MAGI1: variants seen among roughly 807,000 people sequenced by gnomAD.
MAGI1 encodes membrane-associated guanylate kinase, WW and PDZ domain-containing protein 1.
In MAGI1, 58 loss-of-function variants were observed where a neutral mutation model predicts 139.9. The observed-to-expected ratio is 0.41, with a 90% CI of 0.34 to 0.52. MAGI1 has a LOEUF of 0.52. Among genes scored for constraint, MAGI1 ranks in the 20% least tolerant of loss-of-function variants. The pLI is 0.12. For missense variants in MAGI1, 1,874 were observed against 1,901.6 expected (o/e 0.99, Z 0.27); for synonymous variants, 812 against 737.9 (o/e 1.10, Z -1.63).
At chr3:65,658,294 C>T (rs769244098) in intron 1 of MAGI1, among the ~76,000 whole-genome samples, 5 of 152,166 alleles carry the variant, frequency 3.3e-5, no homozygotes, top group East Asian at 3.9e-4. Flanking sequence ...TTAATAAGGA[C>T]GCGATGGACC....
At chr3:65,419,070 G>T (rs2107260681) in intron 12 of MAGI1, among the ~76,000 whole-genome samples, 1 of 152,216 alleles carries the variant, frequency 6.6e-6, no homozygotes, top group East Asian at 1.9e-4. Flanking sequence ...ATGTGCCTCA[G>T]GGTTCTGTCT....
intron 1 of MAGI1, among the ~76,000 whole-genome samples, chr3:65,991,149 C>T (rs957301409): frequency 1.3e-5 from 2 of 151,724 alleles, no homozygotes; most frequent in Admixed American, 1.3e-4. Context: ...ATCAGCCAGG[C>T]GTGGTAGCAT....
chr3:65,841,633 C>T (rs56407873), intron 1 of MAGI1, among the ~76,000 whole-genome samples: 71,055 of 151,566 alleles, frequency 0.47, 17,963 homozygotes, highest in East Asian at 0.76. Context: ...TCACCATGTT[C>T]GCTAGGCTGA....
At chr3:65,605,620 A>G (rs2082702798) in intron 2 of MAGI1, among the ~76,000 whole-genome samples, 1 of 152,136 alleles carries the variant, frequency 6.6e-6, no homozygotes, top group Non-Finnish European at 1.5e-5. Flanking sequence ...TGTCTGACCT[A>G]CTTTTAAAGC....
chr3:65,709,299 A>G (rs146435928), intron 1 of MAGI1, among the ~76,000 whole-genome samples: 152 of 152,250 alleles, frequency 1.0e-3, no homozygotes, highest in African/African-American at 3.6e-3. Flanking sequence ...AGAAATGAAA[A>G]CCTGCTATCT....
At chr3:65,603,946 C>T (rs889698351) in intron 2 of MAGI1, among the ~76,000 whole-genome samples, 2 of 152,182 alleles carry the variant, frequency 1.3e-5, no homozygotes, top group African/African-American at 4.8e-5. Context: ...ATGAAGGTTC[C>T]ACCCTCATGA....
intron 1 of MAGI1, among the ~76,000 whole-genome samples, chr3:65,979,095 C>CG (rs1553742297): frequency 6.9e-5 from 4 of 57,750 alleles, no homozygotes; most frequent in Non-Finnish European, 1.6e-4. Context: ...TCTTCCCCCC[C>CG]CCCGCCACCC....
At chr3:65,617,688 ACT>A (rs2083448406) in intron 2 of MAGI1, among the ~76,000 whole-genome samples, 1 of 151,986 alleles carries the variant, frequency 6.6e-6, no homozygotes. Context: ...GGGGCTCAAG[ACT>A]CTGACCTTCC....
intron 1 of MAGI1, among the ~76,000 whole-genome samples, chr3:65,764,594 T>C (rs2037318559): frequency 6.6e-6 from 1 of 152,222 alleles, no homozygotes; most frequent in South Asian, 2.1e-4. Context: ...TGAGGCCTTT[T>C]GGAAAGATCA....
At chr3:65,605,954 C>T (rs1186022413) in intron 2 of MAGI1, among the ~76,000 whole-genome samples, 1 of 152,174 alleles carries the variant, frequency 6.6e-6, no homozygotes, top group Non-Finnish European at 1.5e-5. Flanking sequence ...TCCCTTCCCT[C>T]CTCCTTTGCA....
chr3:65,480,636 A>T (rs992917990), intron 3 of MAGI1, among the ~76,000 whole-genome samples: 1 of 139,758 alleles, frequency 7.2e-6, no homozygotes, highest in Admixed American at 7.6e-5. Context: ...CCCAGGCTGG[A>T]GTGCAATGGC....
chr3:65,829,838 GT>G (rs1158483006), intron 1 of MAGI1, among the ~76,000 whole-genome samples: 4 of 152,114 alleles, frequency 2.6e-5, no homozygotes, highest in South Asian at 2.1e-4. Flanking sequence ...GGAATCTCAA[GT>G]TTTTTTCCAG....
chr3:65,491,941 C>A (rs182483710), intron 3 of MAGI1, among the ~76,000 whole-genome samples: 2 of 152,242 alleles, frequency 1.3e-5, no homozygotes, highest in African/African-American at 2.4e-5. Flanking sequence ...TGCTCCTTCC[C>A]GTCTTCTCCA....
intron 1 of MAGI1, among the ~76,000 whole-genome samples, chr3:65,653,489 G>A (rs2085701053): frequency 1.3e-5 from 2 of 152,120 alleles, no homozygotes; most frequent in South Asian, 4.1e-4. Context: ...TTAATATAAG[G>A]TGTCATGGAT....
chr3:65,969,957 C>T (rs1053529149), intron 1 of MAGI1, among the ~76,000 whole-genome samples: 1 of 152,086 alleles, frequency 6.6e-6, no homozygotes, highest in Admixed American at 6.6e-5. Context: ...TTAATAAGTA[C>T]TTGCTGAATA....
At chr3:65,511,216 A>T (rs1339922492) in intron 2 of MAGI1, among the ~76,000 whole-genome samples, 1 of 150,742 alleles carries the variant, frequency 6.6e-6, no homozygotes, top group East Asian at 2.0e-4. Context: ...AAATGTAAAG[A>T]CCATCAAGAC....
chr3:65,437,532 TACA>T (rs1947939108), intron 9 of MAGI1, among the ~76,000 whole-genome samples: 1 of 151,890 alleles, frequency 6.6e-6, no homozygotes, highest in African/African-American at 2.4e-5. Context: ...AGGAAAGACA[TACA>T]GTCAACTAAT....
chr3:65,870,721 A>G (rs1249174229), intron 1 of MAGI1, among the ~76,000 whole-genome samples: 1 of 151,684 alleles, frequency 6.6e-6, no homozygotes, highest in Non-Finnish European at 1.5e-5. Flanking sequence ...TTAGTGAAAA[A>G]AAAAAAAAAG....
rs3077818 is a variant in MAGI1 at position 65,819,875 on chromosome 3, C to CAAAAAAAAAAA, written c.314-197798_314-197788dup. Among the ~76,000 whole-genome samples the CAAAAAAAAAAA allele has an allele frequency of 2.3e-3, 77 of 33,468 alleles. 4 individuals carry two copies. Among genetic ancestry groups the CAAAAAAAAAAA allele is most frequent in the Middle Eastern group, 0.019 (1 of 54 alleles). The allele number at this position is 33,468 out of a possible 152,430, so 22.0% of individuals were successfully genotyped here. On this transcript the variant is annotated intron_variant, in intron 1 of 22. Coordinates refer to ENST00000402939, the MANE Select transcript of MAGI1 (RefSeq NM_001033057.2). ...CTAGCCACAGAGCAAGACTCCATCTCAAAAAAAAAAAAAAAAAAAAAAGGA... is the reference window on the plus strand; with the variant it reads ...CTAGCCACAGAGCAAGACTCCATCTCAAAAAAAAAAAAAAAAAAAAAAAAAAAAAAAAAGGA...
Sources: allele counts gnomAD v4.1 joint callset (sites outside exome capture counted in the v4.1 genomes callset), GRCh38; gene constraint gnomAD v4.1.1; transcripts MANE v1.5; gene names NCBI Gene and HGNC (gene_info 2026-07-23, HGNC 2026-07-21).